SGCZ: variants seen among roughly 807,000 people sequenced by gnomAD.
The protein encoded by SGCZ is sarcoglycan zeta.
Under a neutral mutation model 41.3 loss-of-function variants are expected in SGCZ, and 40 were observed. That is an observed-to-expected ratio of 0.97 (90% CI 0.75 to 1.26). The LOEUF (loss-of-function observed/expected upper bound fraction) is 1.26, where lower values mean the gene tolerates loss of function less well. SGCZ is among the 50% of genes most tolerant of loss of function. The pLI is 0.00. For missense variants in SGCZ, 552 were observed against 369.8 expected (o/e 1.49, Z -4.04); for synonymous variants, 206 against 137.5 (o/e 1.50, Z -3.49).
At chr8:14,334,606 T>C (rs891378994) in intron 2 of SGCZ, among the ~76,000 whole-genome samples, 5 of 152,104 alleles carry the variant, frequency 3.3e-5, no homozygotes, top group Non-Finnish European at 7.4e-5. Context: ...TGTGCTTTTT[T>C]GTTTGTTTCC....
chr8:14,474,792 C>A (rs1166121445), intron 2 of SGCZ, among the ~76,000 whole-genome samples: 1 of 152,076 alleles, frequency 6.6e-6, no homozygotes, highest in Non-Finnish European at 1.5e-5. Flanking sequence ...TTTATTATAT[C>A]CAAATGATTT....
rs187539099 is a variant in SGCZ at position 14,277,489 on chromosome 8, T to G, written c.337-39810A>C. Among the ~76,000 whole-genome samples the G allele has an allele frequency of 1.5e-3, 231 of 152,308 alleles. 1 individual carries two copies. Among genetic ancestry groups the G allele is most frequent in the Non-Finnish European group, 2.9e-3 (197 of 68,026 alleles). ...CATGTATCATTCTGTATTATTTGTT[T>G]ATGTATCTGTCTTTTCAACTTGACT... On this transcript the variant is annotated intron_variant, in intron 3 of 7. Transcript: ENST00000382080.
chr8:14,184,270 G>A lies in SGCZ; in HGVS notation c.425-19568C>T, dbSNP rs185487088. ...ATTATCTGTGATCTCATATCAGCAG[G>A]AGCTAAAATATTCCCACCCCCAATA... is the stretch of plus-strand genomic sequence containing the variant. On this transcript the variant is annotated intron_variant, in intron 4 of 7. Coordinates refer to ENST00000382080, the MANE Select transcript of SGCZ (RefSeq NM_139167.4). Among the ~76,000 whole-genome samples the A allele has an allele frequency of 5.9e-5, 9 of 152,144 alleles. 1 individual carries two copies. Among genetic ancestry groups the A allele is most frequent in the East Asian group, 1.9e-4 (1 of 5,178 alleles).
chr8:14,706,788 A>G (rs1041247522), intron 1 of SGCZ, among the ~76,000 whole-genome samples: 6 of 152,092 alleles, frequency 3.9e-5, no homozygotes, highest in Non-Finnish European at 8.8e-5. Flanking sequence ...TGGTAATATG[A>G]CAATATTATA....
chr8:14,533,865 T>G (rs548503985), intron 2 of SGCZ, among the ~76,000 whole-genome samples: 1 of 152,170 alleles, frequency 6.6e-6, no homozygotes, highest in Non-Finnish European at 1.5e-5. Context: ...GCTCTCAGTT[T>G]TCATGCTGTC....
rs1006431565 is a variant in SGCZ, at chr8:14,955,414, C to T, written c.39+282171G>A. 5.3e-5 allele frequency among the ~76,000 whole-genome samples: 8 copies of T among 152,290 alleles called. No homozygotes were observed. The South Asian group carries it at 1.0e-3, about 20-fold the overall frequency. On this transcript the variant is annotated intron_variant, in intron 1 of 7. Coordinates refer to ENST00000382080, the MANE Select transcript of SGCZ (RefSeq NM_139167.4). Reference sequence around the variant, plus strand: ...CAATGTACTTTAAGCATTGTTGTGCCTCTTTCCTAGTGCCTATTTTCACAT... The same window carrying T: ...CAATGTACTTTAAGCATTGTTGTGCTTCTTTCCTAGTGCCTATTTTCACAT...
In SGCZ at chr8:14,096,654, G is replaced by C. The variant is rs1288112268; in HGVS notation, c.744+5722C>G. ...AGGGAGGATTCCCTCTTTTTCTATT[G>C]ATTGGAATAGTTTCAAGAGGGATGG... On this transcript the variant is annotated intron_variant, in intron 7 of 7. Coordinates refer to ENST00000382080, the MANE Select transcript of SGCZ (RefSeq NM_139167.4). Among the ~76,000 whole-genome samples, 3 of 152,074 alleles carry C rather than the reference G, an allele frequency of 2.0e-5. No individual in the cohort carries two copies. In the East Asian group the frequency reaches 5.8e-4, roughly 29 times the overall value.
intron 1 of SGCZ, among the ~76,000 whole-genome samples, chr8:14,975,099 G>GA (rs1801421490): frequency 1.3e-5 from 2 of 152,108 alleles, no homozygotes; most frequent in Admixed American, 6.5e-5. Flanking sequence ...AAGGTCAGGA[G>GA]ATGGAGACCA....
At chr8:14,123,470 A>G (rs950984790) in intron 5 of SGCZ, among the ~76,000 whole-genome samples, 21 of 152,154 alleles carry the variant, frequency 1.4e-4, no homozygotes, top group African/African-American at 2.7e-4. Context: ...TGAAAATATT[A>G]TATTGTGATT....
At chr8:14,413,174 C>T (rs978207957) in intron 2 of SGCZ, among the ~76,000 whole-genome samples, 1 of 151,808 alleles carries the variant, frequency 6.6e-6, no homozygotes, top group Non-Finnish European at 1.5e-5. Context: ...ATAGTAACAC[C>T]AACTAGAGCA....
intron 1 of SGCZ, among the ~76,000 whole-genome samples, chr8:14,965,321 T>G (rs1290235358): frequency 6.6e-6 from 1 of 151,922 alleles, no homozygotes; most frequent in African/African-American, 2.4e-5. Context: ...TTTCCTAGAG[T>G]GAAGTTTCCA....
chr8:14,398,023 C>T (rs556056599), intron 2 of SGCZ, among the ~76,000 whole-genome samples: 1 of 152,180 alleles, frequency 6.6e-6, no homozygotes, highest in Non-Finnish European at 1.5e-5. Context: ...ATGGTTCAGA[C>T]CATCAACTCA....
intron 3 of SGCZ, among the ~76,000 whole-genome samples, chr8:14,322,617 C>G (rs1034414159): frequency 6.6e-6 from 1 of 152,020 alleles, no homozygotes; most frequent in African/African-American, 2.4e-5. Context: ...AATTTTGTTC[C>G]CACGTAGCGA....
intron 1 of SGCZ, among the ~76,000 whole-genome samples, chr8:14,967,974 G>T (rs1328438786): frequency 6.6e-6 from 1 of 152,020 alleles, no homozygotes; most frequent in Non-Finnish European, 1.5e-5. Context: ...GTAAACATTT[G>T]TTTTAAGTAA....
chr8:15,189,309 G>A (rs1015609244), intron 1 of SGCZ, among the ~76,000 whole-genome samples: 2 of 152,102 alleles, frequency 1.3e-5, no homozygotes, highest in Non-Finnish European at 2.9e-5. Flanking sequence ...TTATTTATTA[G>A]GTTAATATAT....
At chr8:14,982,800 A>C (rs1169841285) in intron 1 of SGCZ, among the ~76,000 whole-genome samples, 1 of 152,208 alleles carries the variant, frequency 6.6e-6, no homozygotes, top group Non-Finnish European at 1.5e-5. Flanking sequence ...GACGATAATG[A>C]ATACAACAGA....
chr8:15,066,232 C>G (rs546540593), intron 1 of SGCZ, among the ~76,000 whole-genome samples: 17 of 150,456 alleles, frequency 1.1e-4, no homozygotes, highest in African/African-American at 4.2e-4. Flanking sequence ...GGCGTGAACC[C>G]GGGAAGCGGA....
intron 2 of SGCZ, among the ~76,000 whole-genome samples, chr8:14,402,917 A>T (rs541805100): frequency 7.9e-4 from 119 of 150,052 alleles, no homozygotes; most frequent in African/African-American, 2.9e-3. Context: ...CTTCCTACCC[A>T]TGAGCATGGA....
intron 1 of SGCZ, among the ~76,000 whole-genome samples, chr8:14,912,286 G>A (rs1239367121): frequency 6.6e-6 from 1 of 151,892 alleles, no homozygotes; most frequent in Non-Finnish European, 1.5e-5. Context: ...GTTATGGTTT[G>A]TAGTTTTTAT....
Sources: gnomAD v4.1 joint callset for allele counts (sites outside exome capture counted in the v4.1 genomes callset) on GRCh38, gnomAD v4.1.1 for gene constraint, MANE v1.5 for transcripts, NCBI Gene and HGNC (gene_info 2026-07-23, HGNC 2026-07-21) for gene names.